Variants in AKR1B10 observed in about 807,000 individuals in gnomAD.
The protein encoded by AKR1B10 is aldo-keto reductase family 1 member B10, also known as ARP.
AKR1B10 carries 39 observed loss-of-function variants against 38.9 expected under a neutral mutation model. The observed-to-expected ratio is 1.00, with a 90% CI of 0.78 to 1.31. The LOEUF is 1.31. AKR1B10 is among the 50% of genes most tolerant of loss of function. The pLI, the probability that AKR1B10 is intolerant of heterozygous loss-of-function variation, is 0.00. For synonymous variants in AKR1B10, 148 were observed against 141.2 expected (o/e 1.05, Z -0.34); for missense variants, 361 against 382.6 (o/e 0.94, Z 0.47).
rs1408381031 is a variant in AKR1B10, at chr7:134,531,887, T to G, written c.235-21T>G. 2.5e-6 allele frequency: 4 copies of G among 1,613,474 alleles called. No individual in the cohort carries two copies. In the African/African-American group the frequency reaches 5.3e-5, roughly 22 times the overall value. On this transcript the variant is annotated intron_variant, in intron 2 of 9. Coordinates refer to ENST00000359579, the MANE Select transcript of AKR1B10 (RefSeq NM_020299.5). ...CCTTCCTTTTCCCAGTATTAATAGC[T>G]CATTGCTACACTCTTTGCAGTTGTG...
Position 134,535,587 on chromosome 7 carries a change from T to C in AKR1B10, c.430-1063T>C, listed in dbSNP as rs1250693091. On this transcript the variant is annotated intron_variant, in intron 4 of 9. Coordinates refer to ENST00000359579, the MANE Select transcript of AKR1B10 (RefSeq NM_020299.5). ...CATGTTTTTTCCCTCTTTTCTGTCT[T>C]TTTTTTTTTTTTTTTTTTTTTCTTT... The C allele has an allele frequency of 1.1e-3, 487 of 436,226 alleles. 7 individuals carry two copies. In the African/African-American group the frequency reaches 0.016, roughly 14 times the overall value. The allele number at this position is 436,226 out of a possible 1,614,324, so 27.0% of individuals were successfully genotyped here.
intron 9 of AKR1B10, among the ~76,000 whole-genome samples, chr7:134,539,985 T>G (rs1372578587): frequency 6.6e-6 from 1 of 152,204 alleles, no homozygotes; most frequent in African/African-American, 2.4e-5. Flanking sequence ...CCCAGCACTT[T>G]GGGAGGCCAA....
At chr7:134,535,658 C>T (rs1313450734) in intron 4 of AKR1B10, 12 of 972,176 alleles carry the variant, frequency 1.2e-5, no homozygotes, top group Non-Finnish European at 1.4e-5. Flanking sequence ...CTGACAACTG[C>T]GGGCTGTATG....
intron 1 of AKR1B10, among the ~76,000 whole-genome samples, chr7:134,529,095 T>A (rs1402353741): frequency 2.6e-5 from 4 of 152,148 alleles, no homozygotes. Flanking sequence ...AGAAGCAGTC[T>A]TTGGAGTTCC....
intron 4 of AKR1B10, 63 bp downstream of exon 4, chr7:134,533,144 C>A (rs1205993381): frequency 1.5e-6 from 2 of 1,362,114 alleles, no homozygotes; most frequent in South Asian, 1.3e-5. Flanking sequence ...ATGAGATTCG[C>A]ATGGATATGA....
Sources: allele counts gnomAD v4.1 joint callset (sites outside exome capture counted in the v4.1 genomes callset), GRCh38; gene constraint gnomAD v4.1.1; transcripts MANE v1.5; gene names NCBI Gene and HGNC (gene_info 2026-07-23, HGNC 2026-07-21).